Variants in UNC13C observed in about 807,000 individuals in gnomAD.
The protein encoded by UNC13C is protein unc-13 homolog C.
A neutral mutation model predicts 245.4 loss-of-function variants in UNC13C; 174 were observed. That is an observed-to-expected ratio of 0.71 (90% CI 0.63 to 0.80). UNC13C has a LOEUF of 0.80. UNC13C is among the 30% of genes least tolerant of loss of function. The pLI is 0.00. For synonymous variants in UNC13C, 992 were observed against 895.1 expected, an observed-to-expected ratio of 1.11 and a Z score of -1.93; for missense variants, 2,829 against 2,602.9, an observed-to-expected ratio of 1.09 and a Z score of -1.89.
chr15:54,050,917 G>T (rs2141052836), intron 2 of UNC13C: 1 of 548,628 alleles, frequency 1.8e-6, no homozygotes, highest in South Asian at 1.4e-5. Flanking sequence ...CCACTTGATT[G>T]TATTTACTCA....
chr15:54,620,821 C>CTA (rs1900751686), intron 30 of UNC13C, among the ~76,000 whole-genome samples: 1 of 151,244 alleles, frequency 6.6e-6, no homozygotes, highest in Non-Finnish European at 1.5e-5. Flanking sequence ...CAAAAGCAGG[C>CTA]TATAATCATG....
intron 10 of UNC13C, among the ~76,000 whole-genome samples, chr15:54,276,651 T>A (rs573110464): frequency 6.6e-6 from 1 of 152,250 alleles, no homozygotes; most frequent in East Asian, 1.9e-4. Flanking sequence ...CTAGTTAGGA[T>A]GTAATACTGT....
Position 54,298,320 on chromosome 15 carries a change from C to T in UNC13C, c.4104+394C>T, listed in dbSNP as rs553902377. ...TTGGTATTGCAGGAGAGGATCAAAT[C>T]GTAATTGTGTTTGAGAACTCCGAGT... is the stretch of plus-strand genomic sequence containing the variant. On this transcript the variant is annotated intron_variant, in intron 12 of 32. Coordinates refer to ENST00000260323, the MANE Select transcript of UNC13C (RefSeq NM_001080534.3). Among the ~76,000 whole-genome samples the T allele has an allele frequency of 5.9e-5, 9 of 152,182 alleles. No homozygotes were observed. The South Asian group carries it at 8.3e-4, about 14-fold the overall frequency.
At chr15:54,322,922 C>T (rs2038201651) in intron 14 of UNC13C, among the ~76,000 whole-genome samples, 1 of 151,732 alleles carries the variant, frequency 6.6e-6, no homozygotes, top group South Asian at 2.1e-4. Flanking sequence ...GAGAAGATGC[C>T]TGGAAATATT....
chr15:53,981,281 A>G (rs1188803290), intron 1 of UNC13C, among the ~76,000 whole-genome samples: 1 of 152,188 alleles, frequency 6.6e-6, no homozygotes, highest in African/African-American at 2.4e-5. Context: ...TCCATCCCAT[A>G]GTCTTTACTA....
At chr15:54,193,236 C>A (rs1458350021) in intron 4 of UNC13C, among the ~76,000 whole-genome samples, 1 of 152,150 alleles carries the variant, frequency 6.6e-6, no homozygotes, top group Admixed American at 6.6e-5. Flanking sequence ...AGAGTCGTTA[C>A]ATATCTCCTT....
the UNC13C span, among the ~76,000 whole-genome samples, chr15:53,861,352 C>A: frequency 6.6e-5 from 10 of 152,126 alleles, no homozygotes; most frequent in African/African-American, 2.4e-4. Context: ...GAAACTTTAT[C>A]ACTTGCTTTC....
chr15:53,926,249 T>C, the UNC13C span, among the ~76,000 whole-genome samples: 11 of 151,968 alleles, frequency 7.2e-5, no homozygotes, highest in African/African-American at 2.7e-4. Flanking sequence ...CAAGGGAGGG[T>C]AGGTAATTGT....
At chr15:54,263,449 C>T (rs1460933757) in intron 8 of UNC13C, among the ~76,000 whole-genome samples, 1 of 152,124 alleles carries the variant, frequency 6.6e-6, no homozygotes, top group Admixed American at 6.5e-5. Flanking sequence ...AGAAATCTCT[C>T]ACTGACAGAA....
intron 17 of UNC13C, among the ~76,000 whole-genome samples, chr15:54,378,242 T>A (rs752034063): frequency 6.6e-6 from 1 of 152,200 alleles, no homozygotes; most frequent in Non-Finnish European, 1.5e-5. Context: ...CAACCCATCA[T>A]GTATTTGAAA....
intron 2 of UNC13C, among the ~76,000 whole-genome samples, chr15:54,115,044 C>T (rs974118058): frequency 2.4e-4 from 37 of 152,114 alleles, no homozygotes; most frequent in African/African-American, 8.7e-4. Context: ...ATTATAGATG[C>T]CAATCCTCCA....
chr15:53,888,014 A>G, the UNC13C span, among the ~76,000 whole-genome samples: 1 of 152,184 alleles, frequency 6.6e-6, no homozygotes, highest in Non-Finnish European at 1.5e-5. Flanking sequence ...TAATAAACAT[A>G]CGTGTGCATG....
At chr15:54,616,221 G>C (rs1256406896) in intron 30 of UNC13C, among the ~76,000 whole-genome samples, 1 of 151,974 alleles carries the variant, frequency 6.6e-6, no homozygotes, top group Non-Finnish European at 1.5e-5. Context: ...TCAATCAGCA[G>C]TAAGTTTAAA....
intron 17 of UNC13C, among the ~76,000 whole-genome samples, chr15:54,384,096 T>C (rs1253720453): frequency 6.6e-6 from 1 of 152,096 alleles, no homozygotes; most frequent in Non-Finnish European, 1.5e-5. Flanking sequence ...AAGCAATCTA[T>C]GGATTCAATG....
chr15:54,286,226 T>C (rs1005533768), intron 10 of UNC13C, among the ~76,000 whole-genome samples: 3 of 152,244 alleles, frequency 2.0e-5, no homozygotes, highest in Non-Finnish European at 4.4e-5. Flanking sequence ...GCTGGTACAA[T>C]ACTATTTTAA....
intron 13 of UNC13C, among the ~76,000 whole-genome samples, chr15:54,317,911 C>A (rs865781070): frequency 1.8e-4 from 27 of 152,024 alleles, no homozygotes; most frequent in Middle Eastern, 3.4e-3. Flanking sequence ...CTGCTCCAAC[C>A]TCTAGTAACT....
chr15:54,191,687 A>T (rs541609239), intron 4 of UNC13C, among the ~76,000 whole-genome samples: 1 of 152,196 alleles, frequency 6.6e-6, no homozygotes, highest in South Asian at 2.1e-4. Context: ...AAGCGTTCCT[A>T]TTTCACCACA....
chr15:54,155,484 G>A (rs934195), intron 4 of UNC13C, among the ~76,000 whole-genome samples: 149,486 of 152,320 alleles, frequency 0.98, 73,424 homozygotes, highest in Middle Eastern at 1. Flanking sequence ...GGCCATTTTT[G>A]ACAATAGAGT....
intron 10 of UNC13C, among the ~76,000 whole-genome samples, chr15:54,292,890 T>A (rs2037334443): frequency 6.7e-6 from 1 of 148,432 alleles, no homozygotes; most frequent in African/African-American, 2.4e-5. Flanking sequence ...TACATATATC[T>A]ATATTAATTA....
Sources: allele counts gnomAD v4.1 joint callset (sites outside exome capture counted in the v4.1 genomes callset), GRCh38; gene constraint gnomAD v4.1.1; transcripts MANE v1.5; gene names NCBI Gene and HGNC (gene_info 2026-07-23, HGNC 2026-07-21).